MYLK: variants seen among roughly 807,000 people sequenced by gnomAD.
The protein encoded by MYLK is myosin light chain kinase, also known as myosin light chain kinase, smooth muscle.
MYLK carries 106 observed loss-of-function variants against 203.4 expected under a neutral mutation model. The ratio of observed to expected loss-of-function variants is 0.52; its 90% CI spans 0.45 to 0.61. The LOEUF is 0.61. MYLK is among the 20% of genes least tolerant of loss of function. The pLI, the probability that MYLK is intolerant of heterozygous loss-of-function variation, is 0.00. For missense variants in MYLK, 2,072 were observed against 2,442.3 expected, an observed-to-expected ratio of 0.85 and a Z score of 3.20; for synonymous variants, 867 against 959.5, an observed-to-expected ratio of 0.90 and a Z score of 1.78.
intron 29 of MYLK, among the ~76,000 whole-genome samples, chr3:123,630,230 C>G (rs2058354514): frequency 6.6e-6 from 1 of 152,214 alleles, no homozygotes; most frequent in South Asian, 2.1e-4. Flanking sequence ...GGTGCCATGG[C>G]AGAGGACAGA....
chr3:123,659,608 T>C (rs1409436620), intron 23 of MYLK: 6 of 491,194 alleles, frequency 1.2e-5, no homozygotes, highest in Non-Finnish European at 2.0e-5. Context: ...TTTAGAGCTG[T>C]GGGCTGCACC....
In MYLK at chr3:123,744,085, AC is replaced by A. The variant is rs869184064; in HGVS notation, c.374-4085del. Among the ~76,000 whole-genome samples, 6 of 5,876 alleles carry A rather than the reference AC, an allele frequency of 1.0e-3. No individual in the cohort carries two copies. The South Asian group carries it at 0.14, about 134-fold the overall frequency. 3.9% of individuals were successfully genotyped at this position (5,876 alleles called of 152,430 possible). A position where few individuals can be genotyped will look rare whatever the true frequency, so the allele number is the denominator to read the frequency against. On this transcript the variant is annotated intron_variant, in intron 5 of 33. Transcript: ENST00000360304. ...TATCCGCTTTTTATAACACGTATTAACTGATATCCCCATGCGACCCTGATCA... is the reference window on the plus strand; with the variant it reads ...TATCCGCTTTTTATAACACGTATTAATGATATCCCCATGCGACCCTGATCA...
chr3:123,878,603 A>G (rs543886143), intron 1 of MYLK, among the ~76,000 whole-genome samples: 9 of 152,322 alleles, frequency 5.9e-5, no homozygotes, highest in Admixed American at 3.9e-4. Flanking sequence ...CTTCCTGCCT[A>G]TGTCAGGCCG....
chr3:123,737,346 T>C, intron 8 of MYLK, 32 bp downstream of exon 8: 1 of 1,613,704 alleles, frequency 6.2e-7, no homozygotes, highest in Non-Finnish European at 8.5e-7. Context: ...CAGGCAGGGA[T>C]CGTTCTGCAC....
intron 20 of MYLK, among the ~76,000 whole-genome samples, chr3:123,667,836 A>G (rs574749605): frequency 1.9e-3 from 289 of 152,296 alleles, no homozygotes; most frequent in African/African-American, 6.8e-3. Flanking sequence ...CCTAACTTTC[A>G]GGAAACTCAG....
chr3:123,781,344 T>C (rs2064290874), intron 4 of MYLK, among the ~76,000 whole-genome samples: 1 of 152,206 alleles, frequency 6.6e-6, no homozygotes, highest in African/African-American at 2.4e-5. Context: ...CTCCAGTGGC[T>C]GGACAAATGG....
intron 5 of MYLK, among the ~76,000 whole-genome samples, chr3:123,746,331 G>C (rs193154287): frequency 9.3e-4 from 141 of 152,148 alleles, no homozygotes; most frequent in Non-Finnish European, 1.4e-3. Flanking sequence ...TAAAATCTGA[G>C]GAATGAAGAA....
intron 3 of MYLK, among the ~76,000 whole-genome samples, chr3:123,815,445 G>A (rs570366140): frequency 6.6e-6 from 1 of 152,252 alleles, no homozygotes; most frequent in African/African-American, 2.4e-5. Flanking sequence ...TCGAGAAGTC[G>A]TGAAGTTCAA....
At chr3:123,872,680 T>C (rs2148712974) in intron 2 of MYLK, among the ~76,000 whole-genome samples, 1 of 152,288 alleles carries the variant, frequency 6.6e-6, no homozygotes, top group South Asian at 2.1e-4. Context: ...GGACAAGGTA[T>C]GTGAAAAGGA....
At chr3:123,716,055 T>C (rs1338672734) in intron 13 of MYLK, 1 of 152,212 alleles carries the variant, frequency 6.6e-6, no homozygotes, top group East Asian at 1.9e-4. Context: ...TGTTATACTA[T>C]GGAAATTCAA....
intron 2 of MYLK, among the ~76,000 whole-genome samples, chr3:123,847,569 G>A (rs952557093): frequency 1.5e-4 from 23 of 152,174 alleles, no homozygotes; most frequent in Middle Eastern, 6.8e-3. Flanking sequence ...TCTTTACCAA[G>A]TTAAGGAAGT....
rs886509958 is a variant in MYLK at position 123,663,225 on chromosome 3, C to T, written c.3985+880G>A. Among the ~76,000 whole-genome samples, 5 of 151,866 alleles carry T rather than the reference C, an allele frequency of 3.3e-5. No homozygotes were observed. The South Asian group carries it at 6.3e-4, about 19-fold the overall frequency. On this transcript the variant is annotated intron_variant, in intron 23 of 33. Transcript: ENST00000360304. ...CTCCAGGAGAGAGCTGACCAGGGCACGAAGACAGTGTTAAGGGAGGAGAGG... is the reference window on the plus strand; with the variant it reads ...CTCCAGGAGAGAGCTGACCAGGGCATGAAGACAGTGTTAAGGGAGGAGAGG...
chr3:123,850,893 C>A (rs2030711196), intron 2 of MYLK, among the ~76,000 whole-genome samples: 1 of 152,182 alleles, frequency 6.6e-6, no homozygotes, highest in African/African-American at 2.4e-5. Flanking sequence ...ACATTTAAGT[C>A]TTTAATCCAT....
chr3:123,831,153 G>A (rs2066311703), intron 3 of MYLK, among the ~76,000 whole-genome samples: 1 of 152,178 alleles, frequency 6.6e-6, no homozygotes, highest in South Asian at 2.1e-4. Context: ...CAAAACCAGA[G>A]TTAGTCAGAG....
intron 3 of MYLK, among the ~76,000 whole-genome samples, chr3:123,807,050 A>T (rs2065393483): frequency 1.3e-5 from 2 of 152,210 alleles, no homozygotes. Context: ...AAGGTCATAT[A>T]GTTCATAAAG....
intron 28 of MYLK, chr3:123,638,836 T>A: frequency 1.0e-6 from 1 of 985,462 alleles, no homozygotes; most frequent in Non-Finnish European, 1.2e-6. Context: ...GGGTGGTACC[T>A]CTTGGCCATA....
At chr3:123,795,067 T>A (rs2064936202) in intron 3 of MYLK, among the ~76,000 whole-genome samples, 1 of 152,194 alleles carries the variant, frequency 6.6e-6, no homozygotes, top group African/African-American at 2.4e-5. Context: ...AAATAAAAGT[T>A]TTTTAAGTGA....
intron 4 of MYLK, among the ~76,000 whole-genome samples, chr3:123,788,382 G>A (rs1453022145): frequency 5.4e-5 from 8 of 148,406 alleles, no homozygotes; most frequent in Admixed American, 4.0e-4. Flanking sequence ...TTTTTGATTT[G>A]TTATTTCTTT....
intron 16 of MYLK, among the ~76,000 whole-genome samples, chr3:123,704,473 C>A (rs59675544): frequency 0.096 from 14,573 of 152,200 alleles, 1,822 homozygotes; most frequent in East Asian, 0.49. Context: ...ATAAACTGAA[C>A]CTTTCACAAA....
Sources: allele counts gnomAD v4.1 joint callset (sites outside exome capture counted in the v4.1 genomes callset), GRCh38; gene constraint gnomAD v4.1.1; transcripts MANE v1.5; gene names NCBI Gene and HGNC (gene_info 2026-07-23, HGNC 2026-07-21).